Variants in DLGAP4 observed in about 807,000 individuals in gnomAD.
The protein encoded by DLGAP4 is DLG associated protein 4, also known as disks large-associated protein 4.
In DLGAP4, 18 loss-of-function variants were observed where a neutral mutation model predicts 86.9. The ratio of observed to expected loss-of-function variants is 0.21; its 90% CI spans 0.14 to 0.31. The LOEUF (loss-of-function observed/expected upper bound fraction) is 0.31, where lower values mean the gene tolerates loss of function less well. Ranked by LOEUF, DLGAP4 falls within the 10% of genes least tolerant of loss-of-function variation. The pLI, the probability that DLGAP4 is intolerant of heterozygous loss-of-function variation, is 1.00. For synonymous variants in DLGAP4, 548 were observed against 574.3 expected, an observed-to-expected ratio of 0.95 and a Z score of 0.65; for missense variants, 1,085 against 1,362.6, an observed-to-expected ratio of 0.80 and a Z score of 3.21.
At chr20:36,409,272 C>T (rs1471927086) in intron 2 of DLGAP4, among the ~76,000 whole-genome samples, 1 of 151,958 alleles carries the variant, frequency 6.6e-6, no homozygotes, top group Non-Finnish European at 1.5e-5. Flanking sequence ...TCTTGGTCTT[C>T]AACTCCTGGC....
intron 10 of DLGAP4, chr20:36,508,717 T>C (rs2036526645): frequency 6.6e-6 from 1 of 152,294 alleles, no homozygotes; most frequent in Non-Finnish European, 1.5e-5. Context: ...CGTGAGCCAC[T>C]GCACTGGGGC....
chr20:36,492,155 G>C (rs760863513), intron 7 of DLGAP4, among the ~76,000 whole-genome samples: 1 of 152,152 alleles, frequency 6.6e-6, no homozygotes, highest in Non-Finnish European at 1.5e-5. Context: ...GAAGAGGTGG[G>C]GGTGAGGTAT....
intron 10 of DLGAP4, among the ~76,000 whole-genome samples, chr20:36,519,116 C>CAAA (rs57477007): frequency 2.2e-5 from 3 of 139,046 alleles, no homozygotes; most frequent in African/African-American, 7.8e-5. Flanking sequence ...GACTCCATCT[C>CAAA]AAAAAAAAAA....
At chr20:36,336,098 T>C (rs1239042870) in intron 1 of DLGAP4, among the ~76,000 whole-genome samples, 5 of 152,142 alleles carry the variant, frequency 3.3e-5, no homozygotes, top group African/African-American at 1.2e-4. Context: ...GGAACACCTA[T>C]AGTGTGTTGC....
chr20:36,497,531 C>T (rs2035941229), intron 8 of DLGAP4: 1 of 993,006 alleles, frequency 1.0e-6, no homozygotes, highest in Non-Finnish European at 1.2e-6. Flanking sequence ...GGGCCCAGGA[C>T]CCAGGGCCCT....
intron 7 of DLGAP4, among the ~76,000 whole-genome samples, chr20:36,459,572 C>A (rs1003621332): frequency 6.6e-6 from 1 of 152,084 alleles, no homozygotes; most frequent in African/African-American, 2.4e-5. Flanking sequence ...GAGGCAGGGT[C>A]TCCCTATGTT....
chr20:36,414,063 G>C (rs1267049349), intron 2 of DLGAP4, among the ~76,000 whole-genome samples: 1 of 152,062 alleles, frequency 6.6e-6, no homozygotes, highest in Non-Finnish European at 1.5e-5. Context: ...AGCTGGTCCC[G>C]TTTGCCCCTC....
chr20:36,489,320 A>G (rs574816287), intron 7 of DLGAP4, among the ~76,000 whole-genome samples: 23 of 152,330 alleles, frequency 1.5e-4, no homozygotes, highest in Non-Finnish European at 2.6e-4. Flanking sequence ...AGGCCTGGCC[A>G]TGGTTAGCAC....
At chr20:36,491,340 T>TG (rs1317220676) in intron 7 of DLGAP4, among the ~76,000 whole-genome samples, 1 of 152,160 alleles carries the variant, frequency 6.6e-6, no homozygotes, top group Non-Finnish European at 1.5e-5. Context: ...GTAGGGAGGC[T>TG]GGGCTAGATA....
intron 7 of DLGAP4, among the ~76,000 whole-genome samples, chr20:36,470,260 A>T (rs1198741752): frequency 6.6e-6 from 1 of 152,138 alleles, no homozygotes; most frequent in Non-Finnish European, 1.5e-5. Context: ...TATGCCTCAA[A>T]GTCAAGTTTT....
intron 8 of DLGAP4, 27 bp from the exon 9 acceptor site, chr20:36,499,561 C>A (rs1324148547): frequency 6.2e-7 from 1 of 1,606,762 alleles, no homozygotes; most frequent in Admixed American, 1.7e-5. Context: ...TGTCTCCGTG[C>A]CGTTGCTGTC....
Position 36,432,734 on chromosome 20 carries a change from T to A in DLGAP4, c.999+18T>A, listed in dbSNP as rs1401725504. 5.6e-6 allele frequency: 9 copies of A among 1,610,736 alleles called. No individual in the cohort carries two copies. The highest frequency in any genetic ancestry group is 7.6e-6 in the Non-Finnish European group (9 of 1,178,720). ...ACCTGCAGGTGGGTCTCTGGCAGGGTCAGGGGTGGGATGAGGGCTCTGGGG... is the reference window on the plus strand; with the variant it reads ...ACCTGCAGGTGGGTCTCTGGCAGGGACAGGGGTGGGATGAGGGCTCTGGGG... On this transcript the variant is annotated intron_variant, in intron 3 of 12. Transcript: ENST00000339266. The surrounding 1 kb of genome is among the most constrained non-coding windows in gnomAD (Gnocchi z 6.5).
At chr20:36,524,498 C>A (rs977945110) in intron 11 of DLGAP4, among the ~76,000 whole-genome samples, 157 bp downstream of exon 11, 1 of 152,228 alleles carries the variant, frequency 6.6e-6, no homozygotes, top group Non-Finnish European at 1.5e-5. Context: ...GTGTCAGTGT[C>A]TAGCACAAGA....
chr20:36,462,529 T>C, intron 7 of DLGAP4: 2 of 1,601,986 alleles, frequency 1.2e-6, no homozygotes, highest in Non-Finnish European at 1.7e-6. Context: ...TTTTTCTGTC[T>C]TTGCCGGGTC....
chr20:36,444,670 T>A (rs2033543509), intron 6 of DLGAP4, among the ~76,000 whole-genome samples: 1 of 152,106 alleles, frequency 6.6e-6, no homozygotes, highest in South Asian at 2.1e-4. Context: ...AGATGGAGTC[T>A]CGTTTTATCA....
chr20:36,494,596 C>T (rs1224624916), intron 7 of DLGAP4, among the ~76,000 whole-genome samples: 1 of 152,194 alleles, frequency 6.6e-6, no homozygotes, highest in Non-Finnish European at 1.5e-5. Context: ...CAGATTTCCC[C>T]AGTTCCACTT....
At chr20:36,455,863 C>A in intron 7 of DLGAP4, among the ~76,000 whole-genome samples, 1 of 152,144 alleles carries the variant, frequency 6.6e-6, no homozygotes, top group East Asian at 1.9e-4. Context: ...CCCTGTCCCC[C>A]AACCCTACCC....
At chr20:36,436,407 G>C in intron 4 of DLGAP4, 57 bp downstream of exon 4, 3 of 1,509,118 alleles carry the variant, frequency 2.0e-6, no homozygotes, top group Non-Finnish European at 2.6e-6. Flanking sequence ...CGCCCACTAC[G>C]AGTCTTGCTC....
intron 1 of DLGAP4, among the ~76,000 whole-genome samples, chr20:36,359,236 C>T (rs1417262321): frequency 6.6e-6 from 1 of 152,192 alleles, no homozygotes; most frequent in Admixed American, 6.5e-5. Context: ...TCTCGTGCCT[C>T]AGCCTCCCAA....
Sources: allele counts gnomAD v4.1 joint callset (sites outside exome capture counted in the v4.1 genomes callset), GRCh38; gene constraint gnomAD v4.1.1; non-coding constraint Gnocchi (gnomAD v3.1); transcripts MANE v1.5; gene names NCBI Gene and HGNC (gene_info 2026-07-23, HGNC 2026-07-21).